The following PRIM2 variants were observed in gnomAD, a reference collection of about 807,000 sequenced individuals.
The protein encoded by PRIM2 is DNA primase large subunit.
In PRIM2, 39 loss-of-function variants were observed where a neutral mutation model predicts 67.3. The ratio of observed to expected loss-of-function variants is 0.58; its 90% confidence interval spans 0.45 to 0.76. PRIM2 has a LOEUF of 0.76. Ranked by LOEUF, PRIM2 falls within the 30% of genes least tolerant of loss-of-function variation. The probability of loss-of-function intolerance (pLI) is 0.00; values close to 1 mark genes in which losing one functional copy is unlikely to be tolerated. For missense variants in PRIM2, 398 were observed against 598.7 expected (o/e 0.66, Z 3.50); for synonymous variants, 143 against 198.7 (o/e 0.72, Z 2.36).
the PRIM2 span, among the ~76,000 whole-genome samples, chr6:57,296,602 A>G: frequency 6.6e-6 from 1 of 150,946 alleles, no homozygotes; most frequent in Admixed American, 6.6e-5. Context: ...TGGTGGTGGT[A>G]GTGGGTGGTG....
intron 7 of PRIM2, among the ~76,000 whole-genome samples, chr6:57,488,557 C>G (rs1395604480): frequency 6.6e-6 from 1 of 152,170 alleles, no homozygotes; most frequent in Non-Finnish European, 1.5e-5. Flanking sequence ...TTGTACTTAC[C>G]GAGCAAGTGA....
chr6:57,259,909 C>T, the PRIM2 span, among the ~76,000 whole-genome samples: 2 of 152,216 alleles, frequency 1.3e-5, no homozygotes, highest in Admixed American at 6.5e-5. Flanking sequence ...TGAAGTCTGA[C>T]CTCTTGCCTC....
intron 7 of PRIM2, among the ~76,000 whole-genome samples, chr6:57,502,901 T>A (rs1774169238): frequency 6.6e-6 from 1 of 152,186 alleles, no homozygotes; most frequent in African/African-American, 2.4e-5. Context: ...CTTGCCCTCA[T>A]TTTAACAGAA....
At chr6:57,232,710 C>T in the PRIM2 span, among the ~76,000 whole-genome samples, 1 of 152,180 alleles carries the variant, frequency 6.6e-6, no homozygotes, top group Admixed American at 6.5e-5. Flanking sequence ...TGTCACAAAA[C>T]ACCTTCCCTT....
chr6:57,331,656 TTATC>T (rs1414439992), intron 5 of PRIM2, among the ~76,000 whole-genome samples: 8 of 151,970 alleles, frequency 5.3e-5, no homozygotes, highest in African/African-American at 9.7e-5. Flanking sequence ...TTTATTCACT[TTATC>T]TAAGTTATCT....
At chr6:57,302,447 T>A in the PRIM2 span, among the ~76,000 whole-genome samples, 2,535 of 152,290 alleles carry the variant, frequency 0.017, 29 homozygotes, top group African/African-American at 0.029. Flanking sequence ...AAATTGTACA[T>A]TAAAAATTAG....
intron 7 of PRIM2, among the ~76,000 whole-genome samples, chr6:57,421,144 C>T (rs749223046): frequency 8.5e-5 from 13 of 152,084 alleles, no homozygotes; most frequent in Non-Finnish European, 1.9e-4. Flanking sequence ...AGTATGAAGA[C>T]TGAGAAGAGG....
At chr6:57,485,479 T>C (rs1773732469) in intron 7 of PRIM2, among the ~76,000 whole-genome samples, 1 of 152,082 alleles carries the variant, frequency 6.6e-6, no homozygotes, top group Non-Finnish European at 1.5e-5. Flanking sequence ...AGGTTGGAGT[T>C]AGATGTATGT....
the PRIM2 span, among the ~76,000 whole-genome samples, chr6:57,223,312 C>T: frequency 1.3e-5 from 2 of 152,062 alleles, no homozygotes; most frequent in Non-Finnish European, 2.9e-5. Flanking sequence ...AAGGAGTTAG[C>T]GACTAGAAGA....
At chr6:57,333,271 A>T (rs1768117303) in intron 5 of PRIM2, among the ~76,000 whole-genome samples, 1 of 152,088 alleles carries the variant, frequency 6.6e-6, no homozygotes, top group South Asian at 2.1e-4. Flanking sequence ...ATACTGTCAA[A>T]CTTGAGTGTA....
At chr6:57,533,726 A>C (rs1243615829) in intron 9 of PRIM2, among the ~76,000 whole-genome samples, 5 of 152,198 alleles carry the variant, frequency 3.3e-5, no homozygotes, top group Non-Finnish European at 4.4e-5. Flanking sequence ...TGTGAATTTC[A>C]TTGGATACTG....
At chr6:57,254,381 A>G in the PRIM2 span, among the ~76,000 whole-genome samples, 1 of 152,164 alleles carries the variant, frequency 6.6e-6, no homozygotes, top group East Asian at 1.9e-4. Flanking sequence ...CCTAACTTCC[A>G]CTATTTCCAA....
intron 10 of PRIM2, among the ~76,000 whole-genome samples, chr6:57,597,904 CTG>C (rs1776395625): frequency 6.6e-6 from 1 of 152,116 alleles, no homozygotes; most frequent in Non-Finnish European, 1.5e-5. Context: ...TCAAAATAAT[CTG>C]TTTTATTTTT....
chr6:57,288,256 G>A, the PRIM2 span, among the ~76,000 whole-genome samples: 6 of 151,976 alleles, frequency 3.9e-5, no homozygotes, highest in African/African-American at 1.2e-4. Context: ...TTGAATAGGC[G>A]GTTTGGTGCT....
the PRIM2 span, among the ~76,000 whole-genome samples, chr6:57,272,823 T>C: frequency 1.3e-5 from 2 of 152,214 alleles, no homozygotes; most frequent in Non-Finnish European, 2.9e-5. Flanking sequence ...GCAGGCCTGA[T>C]GGTGACAAAA....
At chr6:57,533,428 G>A (rs1209921098) in intron 9 of PRIM2, among the ~76,000 whole-genome samples, 7 of 152,314 alleles carry the variant, frequency 4.6e-5, no homozygotes, top group Admixed American at 1.3e-4. Context: ...AAGAACGTGA[G>A]TTTGGATCAG....
At chr6:57,533,649 AATG>A (rs1258739679) in intron 9 of PRIM2, among the ~76,000 whole-genome samples, 2 of 152,196 alleles carry the variant, frequency 1.3e-5, no homozygotes, top group Non-Finnish European at 2.9e-5. Flanking sequence ...GTGCTTATAT[AATG>A]TGAATGGTTG....
upstream of PRIM2, among the ~76,000 whole-genome samples, chr6:57,309,995 A>C (rs927598133): frequency 2.7e-4 from 41 of 152,274 alleles, no homozygotes; most frequent in African/African-American, 8.9e-4. Context: ...CTACCATCAG[A>C]GTGAACAGGC....
intron 5 of PRIM2, among the ~76,000 whole-genome samples, chr6:57,349,613 TC>T (rs2127299842): frequency 6.6e-6 from 1 of 152,290 alleles, no homozygotes; most frequent in African/African-American, 2.4e-5. Flanking sequence ...AACCACTAGT[TC>T]CACCCAAGGT....
Sources: gnomAD v4.1 joint callset for allele counts (sites outside exome capture counted in the v4.1 genomes callset) on GRCh38, gnomAD v4.1.1 for gene constraint, MANE v1.5 for transcripts, NCBI Gene and HGNC (gene_info 2026-07-23, HGNC 2026-07-21) for gene names.